The following ESM1 variants were observed in gnomAD, a reference collection of about 807,000 sequenced individuals.
ESM1 encodes endothelial cell-specific molecule 1.
A neutral mutation model predicts 14.9 loss-of-function variants in ESM1; 7 were observed. The observed-to-expected ratio is 0.47, with a 90% confidence interval of 0.27 to 0.88. ESM1 has a LOEUF of 0.88. Among genes scored for constraint, ESM1 ranks in the 40% least tolerant of loss-of-function variants. ESM1 has a pLI of 0.14. For synonymous variants in ESM1, 89 were observed against 89.4 expected (o/e 1.00, Z 0.02); for missense variants, 192 against 237.9 (o/e 0.81, Z 1.27).
In ESM1 at chr5:54,978,617, G is replaced by A. The variant is rs1052149554; in HGVS notation, c.*715C>T. ...AAATACTTCTTAGATTTATCTCTGA[G>A]GTGGCATACGTTAAAGCTATTTATG... On this transcript the variant is annotated 3_prime_UTR_variant, in exon 3 of 3. Transcript: ENST00000381405. The A allele has an allele frequency of 6.6e-6, 1 of 152,362 alleles. No individual in the cohort carries two copies. The highest frequency in any genetic ancestry group is 1.5e-5 in the Non-Finnish European group (1 of 67,988). 9.4% of individuals were successfully genotyped at this position (152,362 alleles called of 1,614,324 possible).
rs1272854921 is a variant in ESM1 at position 54,978,966 on chromosome 5, T to C, written c.*366A>G. On this transcript the variant is annotated 3_prime_UTR_variant, in exon 3 of 3. Transcript: ENST00000381405. ...TTCATTCCATATCCCAACATTAATG[T>C]ACATCAAAGTCAAAGAACTAATTTG... is the stretch of plus-strand genomic sequence containing the variant. 1 of 159,834 alleles carries C rather than the reference T, an allele frequency of 6.3e-6. No individual in the cohort carries two copies. Among genetic ancestry groups the C allele is most frequent in the Non-Finnish European group, 1.4e-5 (1 of 73,552 alleles). The allele number at this position is 159,834 out of a possible 1,614,324, so 9.9% of individuals were successfully genotyped here. A position where few individuals can be genotyped will look rare whatever the true frequency, so the allele number is the denominator to read the frequency against.
chr5:54,981,500 AC>A lies in ESM1; in HGVS notation c.451+496del, dbSNP rs1744050674. Among the ~76,000 whole-genome samples, 7 of 152,274 alleles carry A rather than the reference AC, an allele frequency of 4.6e-5. No homozygotes were observed. The South Asian group carries it at 1.4e-3, about 32-fold the overall frequency. On this transcript the variant is annotated intron_variant, in intron 2 of 2. Coordinates refer to ENST00000381405, the MANE Select transcript of ESM1 (RefSeq NM_007036.5). ...TCCTCTCCAAAATCCATAAAAACAC[AC>A]ACTTGGAATTATTACACTTAAATGC...
chr5:54,978,251 C>T lies in ESM1; in HGVS notation c.*1081G>A, dbSNP rs1743975585. On this transcript the variant is annotated 3_prime_UTR_variant, in exon 3 of 3. Transcript: ENST00000381405. ...AAACCTCCTAAAAACTTATTTTCTACCTTAAATTGAAAATTCACCTAAGTC... is the reference window on the plus strand; with the variant it reads ...AAACCTCCTAAAAACTTATTTTCTATCTTAAATTGAAAATTCACCTAAGTC... The T allele has an allele frequency of 6.6e-6, 1 of 152,056 alleles. No homozygotes were observed. Among genetic ancestry groups the T allele is most frequent in the Non-Finnish European group, 1.5e-5 (1 of 68,022 alleles). 9.4% of individuals were successfully genotyped at this position (152,056 alleles called of 1,614,324 possible).
rs1426554021 is a variant in ESM1, at chr5:54,979,369, C to G, written c.518G>C (p.Gly173Ala). 56 of 1,613,870 alleles carry G rather than the reference C, an allele frequency of 3.5e-5. No homozygotes were observed. The highest frequency in any genetic ancestry group is 4.6e-5 in the Non-Finnish European group (54 of 1,179,792). The change falls in exon 3 of 3, where the codon GGG becomes GCG. Residue 173 changes from glycine to alanine, a missense_variant. Gly to Ala is a moderately conservative substitution (Grantham distance 60). Transcript: ENST00000381405. ...TAACCATTTCCTCATTACGGGAGAC[C>G]CGGCAGCATTCTCTTTCACAACTTC... ...REEVVKENAA[G>A]SPVMRKWLNP...
At chr5:54,983,665 C>A (rs1220662781) in intron 1 of ESM1, among the ~76,000 whole-genome samples, 1 of 152,170 alleles carries the variant, frequency 6.6e-6, no homozygotes, top group Non-Finnish European at 1.5e-5. Flanking sequence ...CATCAGCAAC[C>A]TGAAGAAAGC....
Position 54,978,664 on chromosome 5 carries a change from C to T in ESM1, c.*668G>A, listed in dbSNP as rs1162116883. 3 of 152,548 alleles carry T rather than the reference C, an allele frequency of 2.0e-5. No individual in the cohort carries two copies. Among genetic ancestry groups the T allele is most frequent in the African/African-American group, 7.2e-5 (3 of 41,432 alleles). The allele number at this position is 152,548 out of a possible 1,614,324, so 9.4% of individuals were successfully genotyped here. A position where few individuals can be genotyped will look rare whatever the true frequency, so the allele number is the denominator to read the frequency against. On this transcript the variant is annotated 3_prime_UTR_variant, in exon 3 of 3. Coordinates refer to ENST00000381405, the MANE Select transcript of ESM1 (RefSeq NM_007036.5). ...TATGGAAGTGTATGTGTTTCCTATG[C>T]CCCAGAACCGTCCTTCAGATACAGG...
Position 54,985,557 on chromosome 5 carries a change from CTT to C in ESM1, c.-42_-41del, listed in dbSNP as rs750814610. On this transcript the variant is annotated 5_prime_UTR_variant, in exon 1 of 3. Coordinates refer to ENST00000381405, the MANE Select transcript of ESM1 (RefSeq NM_007036.5). ...TCCGGCTCGGCTCTCCAGTCGTGGT[CTT>C]TGCTGGTGGGAAGCAGCCGTCCAAA... 8 of 1,549,686 alleles carry C rather than the reference CTT, an allele frequency of 5.2e-6. No individual in the cohort carries two copies. Among genetic ancestry groups the C allele is most frequent in the Non-Finnish European group, 6.1e-6 (7 of 1,144,996 alleles).
intron 2 of ESM1, among the ~76,000 whole-genome samples, chr5:54,980,549 A>G (rs1744033457): frequency 6.6e-6 from 1 of 152,216 alleles, no homozygotes; most frequent in South Asian, 2.1e-4. Context: ...AAGGTTTACC[A>G]AGATCACACT....
Position 54,985,587 on chromosome 5 carries a change from G to A in ESM1, c.-70C>T. 7.0e-7 allele frequency: 1 copy of A among 1,421,854 alleles called. No individual in the cohort carries two copies. Among genetic ancestry groups the A allele is most frequent in the Non-Finnish European group, 9.6e-7 (1 of 1,046,550 alleles). The allele number at this position is 1,421,854 out of a possible 1,614,324, so 88.1% of individuals were successfully genotyped here. A position where few individuals can be genotyped will look rare whatever the true frequency, so the allele number is the denominator to read the frequency against. On this transcript the variant is annotated 5_prime_UTR_variant, in exon 1 of 3. Coordinates refer to ENST00000381405, the MANE Select transcript of ESM1 (RefSeq NM_007036.5). The stretch of plus-strand genomic sequence containing the variant: ...CTGGTGGGAAGCAGCCGTCCAAACT[G>A]GTAGCTGAGCCTCTGCCTACACGTT...
intron 2 of ESM1, 86 bp downstream of exon 2, chr5:54,981,911 T>C: frequency 7.4e-7 from 1 of 1,343,124 alleles, no homozygotes; most frequent in Non-Finnish European, 1.0e-6. Flanking sequence ...CCAATCCACA[T>C]CTTATTCTAC....
intron 1 of ESM1, among the ~76,000 whole-genome samples, 152 bp downstream of exon 1, chr5:54,985,063 GTC>G (rs1305309837): frequency 1.3e-5 from 2 of 152,174 alleles, no homozygotes; most frequent in African/African-American, 4.8e-5. Context: ...CTATCCTTCA[GTC>G]TCTACCCATG....
intron 1 of ESM1, among the ~76,000 whole-genome samples, chr5:54,982,471 T>C (rs1286221768): frequency 6.6e-6 from 1 of 152,222 alleles, no homozygotes; most frequent in African/African-American, 2.4e-5. Flanking sequence ...TTCTCACAGA[T>C]GACCTCTGTA....
Position 54,985,409 on chromosome 5 carries a change from A to T in ESM1, c.109T>A (p.Cys37Ser). The T allele has an allele frequency of 6.2e-7, 1 of 1,614,152 alleles. No individual in the cohort carries two copies. Among genetic ancestry groups the T allele is most frequent in the Non-Finnish European group, 8.5e-7 (1 of 1,180,024 alleles). The change falls in exon 1 of 3, where the codon TGC becomes AGC. Residue 37 changes from cysteine (C) to serine (S), a missense_variant. Cys to Ser is a moderately radical substitution (Grantham distance 112). Coordinates refer to ENST00000381405, the MANE Select transcript of ESM1 (RefSeq NM_007036.5). ...DCPQHCDSSE[C>S]KSSPRCKRTV... ...CTCTTGCAGCGCGGGCTGCTTTTGCACTCACTGCTGTCACAGTGTTGAGGG... is the reference window on the plus strand; with the variant it reads ...CTCTTGCAGCGCGGGCTGCTTTTGCTCTCACTGCTGTCACAGTGTTGAGGG...
intron 1 of ESM1, among the ~76,000 whole-genome samples, chr5:54,984,754 C>T (rs1740501503): frequency 6.6e-6 from 1 of 152,134 alleles, no homozygotes; most frequent in African/African-American, 2.4e-5. Context: ...AATATTTGAT[C>T]TTGAGAGTGG....
chr5:54,980,090 C>T (rs532845643), intron 2 of ESM1, among the ~76,000 whole-genome samples: 18 of 152,292 alleles, frequency 1.2e-4, no homozygotes, highest in Non-Finnish European at 1.9e-4. Flanking sequence ...GCCCAGCAGA[C>T]GAATGTGTGT....
At chr5:54,980,807 C>T (rs763264952) in intron 2 of ESM1, among the ~76,000 whole-genome samples, 4 of 152,052 alleles carry the variant, frequency 2.6e-5, no homozygotes, top group Admixed American at 6.6e-5. Context: ...TTGACCCATA[C>T]ATAAGAAGGA....
intron 2 of ESM1, 78 bp downstream of exon 2, chr5:54,981,919 T>C: frequency 7.3e-7 from 1 of 1,368,210 alleles, no homozygotes; most frequent in Non-Finnish European, 1.0e-6. Context: ...CATCTTATTC[T>C]ACTCACAGAT....
chr5:54,980,684 T>C (rs1385703669), intron 2 of ESM1, among the ~76,000 whole-genome samples: 2 of 152,230 alleles, frequency 1.3e-5, no homozygotes, highest in East Asian at 1.9e-4. Flanking sequence ...AACTTTGATG[T>C]GGAAATATTT....
intron 2 of ESM1, among the ~76,000 whole-genome samples, chr5:54,980,610 T>A (rs1244470077): frequency 6.6e-6 from 1 of 152,244 alleles, no homozygotes; most frequent in Non-Finnish European, 1.5e-5. Flanking sequence ...GGAAATACCC[T>A]AGGTCAGAAA....
Sources: allele counts gnomAD v4.1 joint callset (sites outside exome capture counted in the v4.1 genomes callset), GRCh38; gene constraint gnomAD v4.1.1; transcripts MANE v1.5; gene names NCBI Gene and HGNC (gene_info 2026-07-23, HGNC 2026-07-21).